The following SYNPR variants were observed in gnomAD, a reference collection of about 807,000 sequenced individuals.
The protein encoded by SYNPR is synaptoporin.
SYNPR carries 23 observed loss-of-function variants against 32.9 expected under a neutral mutation model. The observed-to-expected ratio is 0.70, with a 90% CI of 0.50 to 0.99. The LOEUF (loss-of-function observed/expected upper bound fraction) is 0.99. Among genes scored for constraint, SYNPR ranks in the 50% least tolerant of loss-of-function variants. The probability of loss-of-function intolerance (pLI) is 0.00; values close to 1 mark genes in which losing one functional copy is unlikely to be tolerated. For missense variants in SYNPR, 318 were observed against 349.3 expected (o/e 0.91, Z 0.71); for synonymous variants, 146 against 135.9 (o/e 1.07, Z -0.52).
Position 63,399,589 on chromosome 3 carries a change from A to G in SYNPR, c.85-81243A>G, listed in dbSNP as rs112164680. Among the ~76,000 whole-genome samples the G allele has an allele frequency of 1.8e-3, 268 of 152,150 alleles. 4 individuals are homozygous for G. Among genetic ancestry groups the G allele is most frequent in the Middle Eastern group, 0.01 (3 of 292 alleles). On this transcript the variant is annotated intron_variant, in intron 2 of 5. Coordinates refer to ENST00000478300, the MANE Select transcript of SYNPR (RefSeq NM_001130003.2). ...GTACAAGGGTACTAATCACACTCATAAGGGTCCTCTCTCATGACAAAATCA... is the reference window on the plus strand; with the variant it reads ...GTACAAGGGTACTAATCACACTCATGAGGGTCCTCTCTCATGACAAAATCA...
chr3:63,335,766 CTTT>C (rs3082128), intron 2 of SYNPR, among the ~76,000 whole-genome samples: 18 of 91,474 alleles, frequency 2.0e-4, no homozygotes, highest in African/African-American at 7.8e-4. Context: ...TATTAGCTTC[CTTT>C]TTTTTTTTTT....
chr3:63,360,768 C>G (rs1008037162), intron 2 of SYNPR, among the ~76,000 whole-genome samples: 1 of 152,144 alleles, frequency 6.6e-6, no homozygotes, highest in Non-Finnish European at 1.5e-5. Flanking sequence ...TGCAGAGTGC[C>G]CCCTTAAGGA....
At chr3:63,564,173 G>T (rs933975374) in intron 4 of SYNPR, among the ~76,000 whole-genome samples, 10 of 150,508 alleles carry the variant, frequency 6.6e-5, no homozygotes, top group South Asian at 2.1e-4. Flanking sequence ...TTGTGGGGTG[G>T]GTGGGGTGTG....
At chr3:63,515,923 CAT>C (rs2106762621) in intron 3 of SYNPR, among the ~76,000 whole-genome samples, 1 of 152,114 alleles carries the variant, frequency 6.6e-6, no homozygotes, top group South Asian at 2.1e-4. Flanking sequence ...CCCTCCTACA[CAT>C]ATAGAGCATA....
chr3:63,412,943 C>T (rs2088486852), intron 2 of SYNPR, among the ~76,000 whole-genome samples: 1 of 152,126 alleles, frequency 6.6e-6, no homozygotes, highest in African/African-American at 2.4e-5. Context: ...AAATGTCACT[C>T]AAATTCGGAA....
At chr3:63,291,997 T>C (rs1250273153) in intron 2 of SYNPR, among the ~76,000 whole-genome samples, 3 of 152,222 alleles carry the variant, frequency 2.0e-5, no homozygotes, top group South Asian at 4.1e-4. Context: ...CTAGGCTACA[T>C]GTACAGCCTA....
chr3:63,410,408 G>T (rs926326667), intron 2 of SYNPR, among the ~76,000 whole-genome samples: 2 of 152,032 alleles, frequency 1.3e-5, no homozygotes, highest in Admixed American at 1.3e-4. Context: ...AATCTTTCTG[G>T]GTCTGGGTCT....
At chr3:63,524,136 T>C (rs1701961803) in intron 3 of SYNPR, among the ~76,000 whole-genome samples, 1 of 151,870 alleles carries the variant, frequency 6.6e-6, no homozygotes, top group Non-Finnish European at 1.5e-5. Context: ...GGAAGCTTCC[T>C]ATCAGTCATA....
intron 4 of SYNPR, among the ~76,000 whole-genome samples, chr3:63,599,901 C>T (rs1290410622): frequency 6.6e-6 from 1 of 152,102 alleles, no homozygotes; most frequent in Non-Finnish European, 1.5e-5. Context: ...GCATAATTTG[C>T]TTTAAATGAA....
intron 2 of SYNPR, among the ~76,000 whole-genome samples, chr3:63,298,024 G>A (rs1179164730): frequency 6.6e-6 from 1 of 152,166 alleles, no homozygotes; most frequent in African/African-American, 2.4e-5. Flanking sequence ...TTATAGGAAA[G>A]CGGGCTAGGG....
chr3:63,219,769 T>C, the SYNPR span, among the ~76,000 whole-genome samples: 4 of 152,208 alleles, frequency 2.6e-5, no homozygotes, highest in Non-Finnish European at 4.4e-5. Flanking sequence ...TTCATTCTCA[T>C]TGTCTTCACG....
chr3:63,315,680 G>A (rs2087032786), intron 2 of SYNPR, among the ~76,000 whole-genome samples: 1 of 151,900 alleles, frequency 6.6e-6, no homozygotes, highest in Non-Finnish European at 1.5e-5. Context: ...CATATCATCA[G>A]CAAATAGTGA....
chr3:63,378,168 G>A (rs1034384966), intron 2 of SYNPR, among the ~76,000 whole-genome samples: 1 of 151,596 alleles, frequency 6.6e-6, no homozygotes, highest in African/African-American at 2.4e-5. Context: ...ATAATATTTT[G>A]TAATGTAACT....
intron 2 of SYNPR, among the ~76,000 whole-genome samples, chr3:63,475,088 T>C (rs933117069): frequency 4.6e-5 from 7 of 152,190 alleles, no homozygotes; most frequent in African/African-American, 1.7e-4. Context: ...AAGATATCGT[T>C]ACTGCTATGG....
In SYNPR at chr3:63,498,478, T is replaced by C. The variant is rs577550894; in HGVS notation, c.209+17522T>C. On this transcript the variant is annotated intron_variant, in intron 3 of 5. Transcript: ENST00000478300. Reference sequence around the variant, plus strand: ...CTGTGTCAGATTAAAATAGGTACCATGACAAAAATTAAACAGAGTGATGTG... The same window carrying C: ...CTGTGTCAGATTAAAATAGGTACCACGACAAAAATTAAACAGAGTGATGTG... 4.9e-4 allele frequency among the ~76,000 whole-genome samples: 74 copies of C among 152,068 alleles called. 1 individual carries two copies. The highest frequency in any genetic ancestry group is 1.7e-3 in the African/African-American group (72 of 41,474).
intron 2 of SYNPR, among the ~76,000 whole-genome samples, chr3:63,291,625 C>T (rs188786393): frequency 1.6e-4 from 25 of 151,932 alleles, no homozygotes; most frequent in Middle Eastern, 3.4e-3. Context: ...CAGTTGAAAG[C>T]AAAGCATGAT....
chr3:63,500,068 T>C (rs755822313), intron 3 of SYNPR, among the ~76,000 whole-genome samples: 4 of 152,148 alleles, frequency 2.6e-5, no homozygotes, highest in Non-Finnish European at 5.9e-5. Flanking sequence ...GTGTGACAAT[T>C]TCTAGCAGGA....
intron 2 of SYNPR, among the ~76,000 whole-genome samples, chr3:63,392,208 C>T (rs2088146433): frequency 1.3e-5 from 2 of 152,148 alleles, no homozygotes. Context: ...CATTAGTATA[C>T]TCAAAGTGGA....
At chr3:63,577,778 CA>C (rs769283336) in intron 4 of SYNPR, among the ~76,000 whole-genome samples, 69 of 152,206 alleles carry the variant, frequency 4.5e-4, no homozygotes, top group Non-Finnish European at 8.1e-4. Flanking sequence ...CACCCCTCCT[CA>C]AAAAAGTACG....
Sources: allele counts gnomAD v4.1 joint callset (sites outside exome capture counted in the v4.1 genomes callset), GRCh38; gene constraint gnomAD v4.1.1; transcripts MANE v1.5; gene names NCBI Gene and HGNC (gene_info 2026-07-23, HGNC 2026-07-21).